The following ENTREP2 variants were observed in gnomAD, a reference collection of about 807,000 sequenced individuals.
ENTREP2 encodes endosomal transmembrane epsin interactor 2, also known as protein ENTREP2.
At chr15:29,464,827 G>A in the ENTREP2 span, among the ~76,000 whole-genome samples, 1 of 152,156 alleles carries the variant, frequency 6.6e-6, no homozygotes, top group Non-Finnish European at 1.5e-5. Context: ...GCAGGACGGG[G>A]AACTTGTTTA....
the ENTREP2 span, among the ~76,000 whole-genome samples, chr15:29,198,240 A>T: frequency 3.9e-5 from 6 of 152,114 alleles, no homozygotes; most frequent in African/African-American, 1.4e-4. Context: ...ATGTTTCTGC[A>T]CCCTCTCCCT....
the ENTREP2 span, among the ~76,000 whole-genome samples, chr15:29,296,085 G>A: frequency 6.6e-6 from 1 of 152,194 alleles, no homozygotes; most frequent in Non-Finnish European, 1.5e-5. Context: ...GGATCGAACT[G>A]TAACTCTTCC....
At chr15:29,233,992 A>T in the ENTREP2 span, 7 of 1,496,540 alleles carry the variant, frequency 4.7e-6, no homozygotes, top group Non-Finnish European at 6.5e-6. Flanking sequence ...CCATAGGAAG[A>T]GTTGAAATAT....
the ENTREP2 span, among the ~76,000 whole-genome samples, chr15:29,643,984 C>A: frequency 6.6e-6 from 1 of 151,930 alleles, no homozygotes; most frequent in Non-Finnish European, 1.5e-5. Context: ...AAAGCTTGTA[C>A]GTGAATGTTC....
the ENTREP2 span, among the ~76,000 whole-genome samples, chr15:29,666,516 A>G: frequency 6.6e-6 from 1 of 151,836 alleles, no homozygotes; most frequent in Admixed American, 6.6e-5. Context: ...TATTTTCCAT[A>G]GACAAGCTAG....
At chr15:29,657,456 G>C in the ENTREP2 span, among the ~76,000 whole-genome samples, 1 of 135,250 alleles carries the variant, frequency 7.4e-6, no homozygotes, top group Admixed American at 7.5e-5. Flanking sequence ...GTGGACCCCT[G>C]CGAGTTGCCG....
At chr15:29,595,225 C>T in the ENTREP2 span, among the ~76,000 whole-genome samples, 1 of 151,794 alleles carries the variant, frequency 6.6e-6, no homozygotes, top group Non-Finnish European at 1.5e-5. Context: ...TACGCTCCAG[C>T]CTGGGCGGCA....
At chr15:29,640,085 A>G in the ENTREP2 span, among the ~76,000 whole-genome samples, 1 of 152,144 alleles carries the variant, frequency 6.6e-6, no homozygotes, top group African/African-American at 2.4e-5. Context: ...TGGTTCTTGT[A>G]AAAGATCAAC....
At chr15:29,644,366 A>C in the ENTREP2 span, among the ~76,000 whole-genome samples, 6 of 152,232 alleles carry the variant, frequency 3.9e-5, no homozygotes, top group Non-Finnish European at 8.8e-5. Context: ...ATGAATATAT[A>C]CTAAAGGCCA....
At chr15:29,287,198 C>A in the ENTREP2 span, among the ~76,000 whole-genome samples, 2 of 152,116 alleles carry the variant, frequency 1.3e-5, no homozygotes, top group African/African-American at 4.8e-5. Context: ...TTCTTTCAGG[C>A]ACTATCCGCG....
chr15:29,175,586 C>T, the ENTREP2 span, among the ~76,000 whole-genome samples: 6 of 152,278 alleles, frequency 3.9e-5, no homozygotes, highest in South Asian at 6.2e-4. Context: ...GGGACAGGAA[C>T]GCTGATGTTT....
chr15:29,186,158 C>T, the ENTREP2 span, among the ~76,000 whole-genome samples: 4 of 152,270 alleles, frequency 2.6e-5, no homozygotes, highest in East Asian at 3.9e-4. Context: ...GGACCATCTT[C>T]GACCATGTGG....
the ENTREP2 span, among the ~76,000 whole-genome samples, chr15:29,437,749 C>T: frequency 3.3e-5 from 5 of 152,078 alleles, no homozygotes; most frequent in Admixed American, 1.3e-4. Flanking sequence ...ACATGAATTC[C>T]CAGAACATTT....
the ENTREP2 span, among the ~76,000 whole-genome samples, chr15:29,386,310 C>T: frequency 6.6e-6 from 1 of 152,172 alleles, no homozygotes; most frequent in African/African-American, 2.4e-5. Context: ...AACACTCAAC[C>T]CTAGACGATG....
the ENTREP2 span, among the ~76,000 whole-genome samples, chr15:29,389,028 G>A: frequency 1.3e-5 from 2 of 151,550 alleles, no homozygotes; most frequent in Non-Finnish European, 2.9e-5. Context: ...ACGAGTTAAT[G>A]GATGCAGCAC....
the ENTREP2 span, among the ~76,000 whole-genome samples, chr15:29,463,173 C>A: frequency 6.6e-6 from 1 of 152,070 alleles, no homozygotes; most frequent in Admixed American, 6.6e-5. Flanking sequence ...TGGGTTGGAG[C>A]CACTGGGGCC....
the ENTREP2 span, among the ~76,000 whole-genome samples, chr15:29,207,069 C>A: frequency 6.6e-6 from 1 of 152,146 alleles, no homozygotes; most frequent in Non-Finnish European, 1.5e-5. Flanking sequence ...CCAAGCAGCT[C>A]CTGCAGCAGT....
the ENTREP2 span, among the ~76,000 whole-genome samples, chr15:29,222,816 G>C: frequency 1.3e-5 from 2 of 152,154 alleles, no homozygotes; most frequent in Non-Finnish European, 2.9e-5. Context: ...CCTGCCAGTT[G>C]GTATTTGTCC....
chr15:29,374,946 T>C, the ENTREP2 span: 2 of 152,204 alleles, frequency 1.3e-5, no homozygotes, highest in African/African-American at 4.8e-5. Context: ...TATACCTCCA[T>C]GTGTCTACTT....
Sources: gnomAD v4.1 joint callset for allele counts (sites outside exome capture counted in the v4.1 genomes callset) on GRCh38, gnomAD v4.1.1 for gene constraint, MANE v1.5 for transcripts, NCBI Gene and HGNC (gene_info 2026-07-23, HGNC 2026-07-21) for gene names.